Variants in CELF2 observed in about 807,000 individuals in gnomAD.
CELF2 encodes CUGBP Elav-like family member 2.
A neutral mutation model predicts 62.6 loss-of-function variants in CELF2; 8 were observed. The ratio of observed to expected loss-of-function variants is 0.13; its 90% confidence interval spans 0.07 to 0.23. The LOEUF is 0.23. CELF2 is among the 10% of genes least tolerant of loss of function. The pLI is 1.00. For synonymous variants in CELF2, 258 were observed against 250.0 expected, an observed-to-expected ratio of 1.03 and a Z score of -0.30; for missense variants, 333 against 671.0, an observed-to-expected ratio of 0.50 and a Z score of 5.56.
At chr10:10,979,934 A>G (rs1366963302) in intron 2 of CELF2, among the ~76,000 whole-genome samples, 1 of 152,222 alleles carries the variant, frequency 6.6e-6, no homozygotes, top group African/African-American at 2.4e-5. Flanking sequence ...TTTTGGTAGC[A>G]TGTTTATTTT....
intron 2 of CELF2, among the ~76,000 whole-genome samples, chr10:10,926,313 A>G (rs1055432347): frequency 1.5e-4 from 23 of 152,170 alleles, no homozygotes; most frequent in Non-Finnish European, 2.8e-4. Flanking sequence ...TTGTGGGGGC[A>G]GATTCACTCC....
chr10:10,917,301 T>G (rs1021345467), intron 1 of CELF2, among the ~76,000 whole-genome samples: 1 of 152,134 alleles, frequency 6.6e-6, no homozygotes, highest in Non-Finnish European at 1.5e-5. Context: ...CAGAGGTCAA[T>G]TATGGACATT....
chr10:11,291,010 C>T (rs1219367578), intron 9 of CELF2, among the ~76,000 whole-genome samples: 1 of 152,230 alleles, frequency 6.6e-6, no homozygotes, highest in Non-Finnish European at 1.5e-5. Context: ...ATCTCCACTT[C>T]ATCAAGGCAG....
chr10:10,885,324 A>G (rs1244192665), intron 1 of CELF2, among the ~76,000 whole-genome samples: 1 of 151,984 alleles, frequency 6.6e-6, no homozygotes, highest in Non-Finnish European at 1.5e-5. Flanking sequence ...TATATGCTGG[A>G]GAAAAATGCT....
At chr10:10,873,860 G>GA (rs1473815616) in intron 1 of CELF2, among the ~76,000 whole-genome samples, 1 of 152,154 alleles carries the variant, frequency 6.6e-6, no homozygotes, top group Non-Finnish European at 1.5e-5. Context: ...GGGTGTGGAG[G>GA]AAACAGCTTC....
chr10:10,724,672 A>G, the CELF2 span, among the ~76,000 whole-genome samples: 1 of 143,784 alleles, frequency 7.0e-6, no homozygotes. Flanking sequence ...AAAAAAAAAG[A>G]AAAAAGAAAA....
At chr10:11,241,915 A>G (rs1423547287) in intron 3 of CELF2, among the ~76,000 whole-genome samples, 1 of 152,220 alleles carries the variant, frequency 6.6e-6, no homozygotes, top group African/African-American at 2.4e-5. Flanking sequence ...AGAAAAATTC[A>G]GAAAGTACAG....
At chr10:11,067,653 C>T (rs79552783) in intron 1 of CELF2, among the ~76,000 whole-genome samples, 9,462 of 152,256 alleles carry the variant, frequency 0.062, 377 homozygotes, top group Middle Eastern at 0.14. Context: ...TAGTGCCCAC[C>T]GGTTCCCAAG....
chr10:10,697,776 G>A, the CELF2 span, among the ~76,000 whole-genome samples: 2 of 152,120 alleles, frequency 1.3e-5, no homozygotes, highest in Non-Finnish European at 2.9e-5. Flanking sequence ...CCATCACCAT[G>A]GAGATTAGGT....
chr10:11,172,918 T>C (rs2069436049), intron 2 of CELF2, among the ~76,000 whole-genome samples: 1 of 152,224 alleles, frequency 6.6e-6, no homozygotes, highest in South Asian at 2.1e-4. Context: ...GAGAACAGAC[T>C]TCTTTGGTAG....
At chr10:11,195,016 C>T (rs1470299500) in intron 2 of CELF2, among the ~76,000 whole-genome samples, 1 of 152,208 alleles carries the variant, frequency 6.6e-6, no homozygotes, top group Non-Finnish European at 1.5e-5. Flanking sequence ...CTCATCCCAT[C>T]TCAGTGTAGC....
rs562400750 is a variant in CELF2 at position 11,071,012 on chromosome 10, T to C, written c.74+52849T>C. Among the ~76,000 whole-genome samples the C allele has an allele frequency of 5.9e-5, 9 of 152,328 alleles. 1 individual carries two copies. In the South Asian group the frequency reaches 1.9e-3, roughly 32 times the overall value. ...AGATGACTATTTTGAGAAATTTGGC[T>C]ATTTAAAGGTGGTAGAGAGTAAAGA... On this transcript the variant is annotated intron_variant, in intron 1 of 12. Coordinates refer to ENST00000633077, the MANE Select transcript of CELF2 (RefSeq NM_001326342.2).
intron 2 of CELF2, among the ~76,000 whole-genome samples, chr10:10,941,170 G>A (rs544704657): frequency 1.3e-5 from 2 of 152,334 alleles, no homozygotes; most frequent in Middle Eastern, 3.4e-3. Context: ...AGAAACAAGA[G>A]CAGAAGGAGC....
chr10:10,711,462 C>G, the CELF2 span, among the ~76,000 whole-genome samples: 1 of 152,124 alleles, frequency 6.6e-6, no homozygotes, highest in Non-Finnish European at 1.5e-5. Context: ...CCCTGGGGTA[C>G]TGTGTTCATT....
At position 11,309,476 on chromosome 10, in the gene CELF2, C is replaced by T. The variant is rs1256603829; in HGVS notation, c.977-4663C>T. Among the ~76,000 whole-genome samples the T allele has an allele frequency of 6.6e-6, 1 of 152,238 alleles. No homozygotes were observed. Among genetic ancestry groups the T allele is most frequent in the African/African-American group, 2.4e-5 (1 of 41,464 alleles). On this transcript the variant is annotated intron_variant, in intron 9 of 12. Coordinates refer to ENST00000633077, the MANE Select transcript of CELF2 (RefSeq NM_001326342.2). The surrounding 1 kb of genome is among the most constrained non-coding windows in gnomAD (Gnocchi z 5.6). ...TCCAGACAGCTCCCTTTCACTGCCT[C>T]TTTGCCTGATCTCTGTTAAGTTTCT...
intron 1 of CELF2, among the ~76,000 whole-genome samples, chr10:11,128,525 C>G (rs1245845675): frequency 6.6e-6 from 1 of 152,148 alleles, no homozygotes; most frequent in African/African-American, 2.4e-5. Context: ...AATGTTCTTC[C>G]ATTTGTTTGT....
the CELF2 span, among the ~76,000 whole-genome samples, chr10:10,669,981 C>T: frequency 6.9e-6 from 1 of 144,482 alleles, no homozygotes; most frequent in African/African-American, 2.6e-5. Flanking sequence ...TGGCTCGCTG[C>T]AATGTCTGCT....
intron 2 of CELF2, among the ~76,000 whole-genome samples, chr10:10,932,389 T>C (rs922638204): frequency 6.6e-6 from 1 of 152,134 alleles, no homozygotes; most frequent in Non-Finnish European, 1.5e-5. Flanking sequence ...GCTAGGAAGG[T>C]AGATTTTAAA....
chr10:10,940,360 G>C (rs2046918683), intron 2 of CELF2, among the ~76,000 whole-genome samples: 1 of 152,182 alleles, frequency 6.6e-6, no homozygotes, highest in Admixed American at 6.5e-5. Context: ...TTGAAGAACT[G>C]TAGATAATCC....
Sources: gnomAD v4.1 joint callset for allele counts (sites outside exome capture counted in the v4.1 genomes callset) on GRCh38, gnomAD v4.1.1 for gene constraint, Gnocchi (gnomAD v3.1) non-coding constraint, MANE v1.5 for transcripts, NCBI Gene and HGNC (gene_info 2026-07-23, HGNC 2026-07-21) for gene names.